Variants in UROC1 observed in about 807,000 individuals in gnomAD.
UROC1 encodes urocanate hydratase 1.
In UROC1, 79 loss-of-function variants were observed where a neutral mutation model predicts 89.5. That is an observed-to-expected ratio of 0.88 (90% CI 0.74 to 1.06). The LOEUF (loss-of-function observed/expected upper bound fraction) is 1.06, where lower values mean the gene tolerates loss of function less well. UROC1 is among the 50% of genes least tolerant of loss of function. The pLI is 0.00. For synonymous variants in UROC1, 361 were observed against 354.8 expected, an observed-to-expected ratio of 1.02 and a Z score of -0.20; for missense variants, 885 against 907.8, an observed-to-expected ratio of 0.97 and a Z score of 0.32.
At chr3:126,488,596 G>A (rs1173289698) in intron 17 of UROC1, among the ~76,000 whole-genome samples, 1 of 152,236 alleles carries the variant, frequency 6.6e-6, no homozygotes, top group Non-Finnish European at 1.5e-5. Context: ...CAGAGAAGTA[G>A]AGTGCCAAAG....
At chr3:126,516,595 A>C (rs1576736716) in intron 1 of UROC1, among the ~76,000 whole-genome samples, 1 of 12,384 alleles carries the variant, frequency 8.1e-5, no homozygotes. Flanking sequence ...CCCCTCCCCC[A>C]TTTCCCTTTC....
At position 126,492,118 on chromosome 3, in the gene UROC1, G is replaced by A. The variant is rs56015852; in HGVS notation, c.1608+300C>T. Among the ~76,000 whole-genome samples the A allele has an allele frequency of 6.0e-3, 899 of 149,862 alleles. 7 individuals carry two copies. Among genetic ancestry groups the A allele is most frequent in the African/African-American group, 0.021 (836 of 40,464 alleles). ...TCCTTCCCACCACCCCCTCACAGCC[G>A]CCTTACCCTTGCCTCCCCAGCAGAG... On this transcript the variant is annotated intron_variant, in intron 16 of 19. Transcript: ENST00000290868.
intron 9 of UROC1, among the ~76,000 whole-genome samples, chr3:126,502,169 T>C (rs867015744): frequency 1.3e-5 from 2 of 152,116 alleles, no homozygotes; most frequent in Non-Finnish European, 1.5e-5. Flanking sequence ...AGAATATATG[T>C]TATGGGCATG....
intron 13 of UROC1, 93 bp from the exon 14 acceptor site, chr3:126,498,265 C>G: frequency 6.2e-7 from 1 of 1,604,310 alleles, no homozygotes; most frequent in Non-Finnish European, 8.5e-7. Flanking sequence ...GGCTCAGCAT[C>G]CAGAAGTCAG....
chr3:126,507,198 G>A (rs1936080927), intron 6 of UROC1, among the ~76,000 whole-genome samples: 1 of 152,164 alleles, frequency 6.6e-6, no homozygotes, highest in Admixed American at 6.5e-5. Flanking sequence ...GTGCCTAATG[G>A]TTTTGGTTGC....
intron 8 of UROC1, 100 bp downstream of exon 8, chr3:126,505,601 A>T: frequency 6.6e-7 from 1 of 1,514,136 alleles, no homozygotes; most frequent in Admixed American, 2.1e-5. Context: ...GAAGGATGAG[A>T]AGGGGGGTCT....
In UROC1 at chr3:126,509,686, G is replaced by A. The variant is rs1243343680; in HGVS notation, c.258-8C>T. 1 of 1,551,300 alleles carries A rather than the reference G, an allele frequency of 6.4e-7. No homozygotes were observed. The highest frequency in any genetic ancestry group is 8.7e-7 in the Non-Finnish European group (1 of 1,146,910). ...TGCTCAATCGGGTAGGCCCTGCAAG[G>A]GAAAGCCCAACCACCAGGCTGCCCT... On this transcript the variant is annotated splice_polypyrimidine_tract_variant and splice_region_variant and intron_variant, in intron 2 of 19. Coordinates refer to ENST00000290868, the MANE Select transcript of UROC1 (RefSeq NM_144639.3).
intron 9 of UROC1, 28 bp downstream of exon 9, chr3:126,503,967 G>A: frequency 1.2e-6 from 2 of 1,613,376 alleles, no homozygotes; most frequent in East Asian, 2.2e-5. Flanking sequence ...CAGGTGTCAG[G>A]TGTCCGGAGT....
intron 10 of UROC1, 131 bp from the exon 11 acceptor site, chr3:126,501,005 G>T: frequency 7.2e-7 from 1 of 1,384,080 alleles, no homozygotes; most frequent in Non-Finnish European, 1.0e-6. Context: ...GCCAGACCCT[G>T]CTTTCCCCCT....
intron 19 of UROC1, 108 bp downstream of exon 19, chr3:126,483,261 G>A (rs1935431630): frequency 7.9e-6 from 8 of 1,017,848 alleles, no homozygotes; most frequent in South Asian, 1.3e-5. Flanking sequence ...AGAGGAATCC[G>A]GCCCCCATCC....
intron 16 of UROC1, among the ~76,000 whole-genome samples, chr3:126,489,785 C>A (rs1935602571): frequency 6.6e-6 from 1 of 152,192 alleles, no homozygotes; most frequent in African/African-American, 2.4e-5. Context: ...TCTTAATAAG[C>A]CCACTGTACC....
At chr3:126,491,676 C>T (rs932865472) in intron 16 of UROC1, among the ~76,000 whole-genome samples, 1 of 152,246 alleles carries the variant, frequency 6.6e-6, no homozygotes, top group African/African-American at 2.4e-5. Context: ...CCCGCAAGAA[C>T]TCTGTGGCAG....
intron 15 of UROC1, among the ~76,000 whole-genome samples, chr3:126,493,491 A>T (rs994936282): frequency 6.6e-6 from 1 of 152,260 alleles, no homozygotes. Context: ...CCCTGAAGAC[A>T]TTATGATAGG....
intron 13 of UROC1, 49 bp downstream of exon 13, chr3:126,499,288 G>C (rs936204491): frequency 5.7e-6 from 9 of 1,589,234 alleles, no homozygotes; most frequent in Non-Finnish European, 6.9e-6. Flanking sequence ...CCTGAACGGG[G>C]CAGGGGTGGC....
chr3:126,516,785 C>T (rs1487624341), intron 1 of UROC1, among the ~76,000 whole-genome samples: 2 of 145,884 alleles, frequency 1.4e-5, no homozygotes, highest in African/African-American at 2.6e-5. Flanking sequence ...CCTGTTAGGC[C>T]TCTGTGGGTG....
intron 3 of UROC1, among the ~76,000 whole-genome samples, chr3:126,508,803 C>T (rs758329324): frequency 4.6e-5 from 7 of 152,084 alleles, no homozygotes; most frequent in Non-Finnish European, 1.0e-4. Flanking sequence ...GAAGTGGTCA[C>T]ATTCTGGCAA....
At position 126,493,377 on chromosome 3, in the gene UROC1, C is replaced by T. The variant is rs1370369201; in HGVS notation, c.1510-861G>A. 5.3e-5 allele frequency among the ~76,000 whole-genome samples: 8 copies of T among 152,194 alleles called. No homozygotes were observed. The South Asian group carries it at 1.2e-3, about 24-fold the overall frequency. On this transcript the variant is annotated intron_variant, in intron 15 of 19. Transcript: ENST00000290868. The stretch of plus-strand genomic sequence containing the variant: ...AGGTGGAGGCGACCTGGGTATCCAG[C>T]GTGGTGCACGGATGAACCAAACGTG...
chr3:126,487,392 A>G (rs1935542326), intron 18 of UROC1, among the ~76,000 whole-genome samples: 1 of 152,188 alleles, frequency 6.6e-6, no homozygotes, highest in Non-Finnish European at 1.5e-5. Flanking sequence ...GAAAGGACAT[A>G]GCCTCAGTCA....
At chr3:126,498,985 T>C (rs1013288116) in intron 13 of UROC1, among the ~76,000 whole-genome samples, 1 of 152,098 alleles carries the variant, frequency 6.6e-6, no homozygotes, top group Admixed American at 6.5e-5. Context: ...CAGCAGGTGC[T>C]GGGCTTCATG....
Sources: gnomAD v4.1 joint callset for allele counts (sites outside exome capture counted in the v4.1 genomes callset) on GRCh38, gnomAD v4.1.1 for gene constraint, MANE v1.5 for transcripts, NCBI Gene and HGNC (gene_info 2026-07-23, HGNC 2026-07-21) for gene names.